The following CNTNAP2 variants were observed in gnomAD, a reference collection of about 807,000 sequenced individuals.
The protein encoded by CNTNAP2 is contactin associated protein 2, also known as contactin-associated protein-like 2.
A neutral mutation model predicts 155.2 loss-of-function variants in CNTNAP2; 98 were observed. That is an observed-to-expected ratio of 0.63 (90% CI 0.54 to 0.75). The LOEUF is 0.75. CNTNAP2 is among the 30% of genes least tolerant of loss of function. The probability of loss-of-function intolerance (pLI) is 0.00; values close to 1 mark genes in which losing one functional copy is unlikely to be tolerated. For missense variants in CNTNAP2, 1,727 were observed against 1,688.1 expected (o/e 1.02, Z -0.40); for synonymous variants, 651 against 631.2 (o/e 1.03, Z -0.47).
In CNTNAP2 at chr7:147,402,852, G is replaced by C. The variant is rs192856014; in HGVS notation, c.1670+7072G>C. 1.2e-4 allele frequency among the ~76,000 whole-genome samples: 18 copies of C among 151,668 alleles called. No homozygotes were observed. The East Asian group carries it at 3.5e-3, about 30-fold the overall frequency. On this transcript the variant is annotated intron_variant, in intron 10 of 23. Transcript: ENST00000361727. ...CATTAGACCCTCAAAGGCCATCATA[G>C]GATTCCTAAGTCTCTGCTGTATAAA...
intron 1 of CNTNAP2, among the ~76,000 whole-genome samples, chr7:146,635,071 C>G (rs538192862): frequency 6.6e-5 from 10 of 152,096 alleles, no homozygotes; most frequent in South Asian, 6.2e-4. Context: ...GATTTAATCT[C>G]ACTCCACCAA....
At chr7:148,331,523 G>C (rs1360424623) in intron 21 of CNTNAP2, among the ~76,000 whole-genome samples, 1 of 127,414 alleles carries the variant, frequency 7.8e-6, no homozygotes, top group Admixed American at 7.2e-5. Context: ...TGGATGGATG[G>C]AATGGATGGA....
chr7:146,872,301 A>G (rs745953649), intron 3 of CNTNAP2, among the ~76,000 whole-genome samples: 6 of 151,752 alleles, frequency 4.0e-5, no homozygotes, highest in Non-Finnish European at 8.8e-5. Flanking sequence ...AAAACTATGT[A>G]TTTCAAATAG....
Position 148,233,995 on chromosome 7 carries a change from T to C in CNTNAP2, c.3381+4216T>C, listed in dbSNP as rs185287864. Among the ~76,000 whole-genome samples the C allele has an allele frequency of 2.4e-3, 370 of 152,334 alleles. 3 individuals are homozygous for C. The highest frequency in any genetic ancestry group is 4.4e-3 in the Non-Finnish European group (302 of 68,030). The stretch of plus-strand genomic sequence containing the variant: ...ACATGCCTGCTACCCCTTTGTCTTC[T>C]ACTATGATTGTAAGTTTCCTGAGGT... On this transcript the variant is annotated intron_variant, in intron 20 of 23. Transcript: ENST00000361727.
At chr7:147,019,238 A>C (rs1186696516) in intron 3 of CNTNAP2, among the ~76,000 whole-genome samples, 2 of 152,162 alleles carry the variant, frequency 1.3e-5, no homozygotes, top group African/African-American at 4.8e-5. Flanking sequence ...GCTGAGTGTC[A>C]AACAGCATTT....
chr7:147,968,464 A>G (rs557628781), intron 14 of CNTNAP2, among the ~76,000 whole-genome samples: 59 of 152,294 alleles, frequency 3.9e-4, no homozygotes, highest in African/African-American at 1.3e-3. Flanking sequence ...GGAAAGCTCA[A>G]CAGTCAATGG....
chr7:147,482,158 C>T (rs1035621520), intron 10 of CNTNAP2, among the ~76,000 whole-genome samples: 9 of 151,974 alleles, frequency 5.9e-5, no homozygotes, highest in African/African-American at 2.2e-4. Context: ...GAGACAGGTG[C>T]TCAACAAACC....
chr7:146,160,747 A>G (rs1798208140), intron 1 of CNTNAP2, among the ~76,000 whole-genome samples: 1 of 152,190 alleles, frequency 6.6e-6, no homozygotes, highest in Non-Finnish European at 1.5e-5. Context: ...GACCAGATGG[A>G]TTCACAGCCA....
intron 3 of CNTNAP2, among the ~76,000 whole-genome samples, chr7:146,929,461 A>G (rs1796695288): frequency 6.6e-6 from 1 of 152,184 alleles, no homozygotes; most frequent in African/African-American, 2.4e-5. Context: ...TCAAAGACCA[A>G]AAGTAGATAA....
At chr7:148,065,003 C>G (rs117881699) in intron 15 of CNTNAP2, among the ~76,000 whole-genome samples, 6,491 of 152,124 alleles carry the variant, frequency 0.043, 177 homozygotes, top group Non-Finnish European at 0.06. Context: ...TATTATCATT[C>G]GGTTCGAAGA....
intron 9 of CNTNAP2, among the ~76,000 whole-genome samples, chr7:147,346,210 A>T (rs1156518347): frequency 2.0e-5 from 3 of 147,974 alleles, no homozygotes; most frequent in African/African-American, 7.5e-5. Flanking sequence ...TGCGGACTGC[A>T]GTGGCGCAAT....
At chr7:146,774,420 A>C (rs1802352166) in intron 2 of CNTNAP2, 39 bp downstream of exon 2, 1 of 1,345,746 alleles carries the variant, frequency 7.4e-7, no homozygotes, top group Non-Finnish European at 1.1e-6. Flanking sequence ...TAAACATGTT[A>C]AATAAGAACA....
At chr7:148,325,451 T>C (rs146428805) in intron 21 of CNTNAP2, among the ~76,000 whole-genome samples, 1 of 152,354 alleles carries the variant, frequency 6.6e-6, no homozygotes, top group Non-Finnish European at 1.5e-5. Context: ...CATCTGGTGC[T>C]GTTCTTCCCT....
At chr7:146,597,927 G>C (rs1020201638) in intron 1 of CNTNAP2, among the ~76,000 whole-genome samples, 2 of 151,878 alleles carry the variant, frequency 1.3e-5, no homozygotes, top group Admixed American at 6.6e-5. Context: ...GCATCTTTTG[G>C]CTCCTGTTTC....
chr7:146,821,547 G>A (rs1803283636), intron 2 of CNTNAP2, among the ~76,000 whole-genome samples: 1 of 152,066 alleles, frequency 6.6e-6, no homozygotes, highest in African/African-American at 2.4e-5. Context: ...CTACGAAATG[G>A]GAGAAAATGT....
At chr7:146,389,002 C>A (rs1161190750) in intron 1 of CNTNAP2, among the ~76,000 whole-genome samples, 1 of 152,094 alleles carries the variant, frequency 6.6e-6, no homozygotes, top group Non-Finnish European at 1.5e-5. Context: ...TTCAGAAGAA[C>A]TGGCTTTCCA....
intron 9 of CNTNAP2, among the ~76,000 whole-genome samples, chr7:147,320,109 A>T (rs1026371679): frequency 5.9e-5 from 9 of 152,262 alleles, no homozygotes; most frequent in Middle Eastern, 3.4e-3. Context: ...ATCTATCTAG[A>T]TTTTCCACCA....
At chr7:147,872,384 A>G (rs188321422) in intron 13 of CNTNAP2, among the ~76,000 whole-genome samples, 107 of 152,348 alleles carry the variant, frequency 7.0e-4, no homozygotes, top group African/African-American at 2.4e-3. Flanking sequence ...GAGAGTAAAT[A>G]TTATTTAACT....
rs11440955 is a variant in CNTNAP2 at position 147,788,900 on chromosome 7, CTTTTTT to C, written c.2099-114648_2099-114643del. ...TAGGATATACTTTTTTTTTCTTTTT[CTTTTTT>C]TTTTTTTTTTTTTTTTGAGACAGTG... is the stretch of plus-strand genomic sequence containing the variant. On this transcript the variant is annotated intron_variant, in intron 13 of 23. Coordinates refer to ENST00000361727, the MANE Select transcript of CNTNAP2 (RefSeq NM_014141.6). Among the ~76,000 whole-genome samples the C allele has an allele frequency of 8.5e-3, 852 of 100,710 alleles. 5 individuals are homozygous for C. The highest frequency in any genetic ancestry group is 0.035 in the African/African-American group (794 of 22,840). The allele number at this position is 100,710 out of a possible 152,430, so 66.1% of individuals were successfully genotyped here.
Sources: gnomAD v4.1 joint callset for allele counts (sites outside exome capture counted in the v4.1 genomes callset) on GRCh38, gnomAD v4.1.1 for gene constraint, MANE v1.5 for transcripts, NCBI Gene and HGNC (gene_info 2026-07-23, HGNC 2026-07-21) for gene names.